Variants in OSBPL6 observed in about 807,000 individuals in gnomAD.
OSBPL6 encodes the protein oxysterol binding protein like 6, also known as oxysterol-binding protein-related protein 6.
Under a neutral mutation model 125.8 loss-of-function variants are expected in OSBPL6, and 49 were observed. The observed-to-expected ratio is 0.39, with a 90% CI of 0.31 to 0.49. The LOEUF (loss-of-function observed/expected upper bound fraction) is 0.49. Ranked by LOEUF, OSBPL6 falls within the 20% of genes least tolerant of loss-of-function variation. The pLI, the probability that OSBPL6 is intolerant of heterozygous loss-of-function variation, is 0.88. For synonymous variants in OSBPL6, 394 were observed against 391.8 expected (o/e 1.01, Z -0.07); for missense variants, 986 against 1,135.4 (o/e 0.87, Z 1.89).
chr2:178,330,505 C>CT (rs1484965045), intron 5 of OSBPL6, among the ~76,000 whole-genome samples: 1 of 152,196 alleles, frequency 6.6e-6, no homozygotes, highest in East Asian at 1.9e-4. Flanking sequence ...CGTAGAGACT[C>CT]TTTTTTTCCA....
intron 11 of OSBPL6, among the ~76,000 whole-genome samples, chr2:178,347,507 C>T (rs530687627): frequency 2.6e-5 from 4 of 152,298 alleles, no homozygotes; most frequent in Non-Finnish European, 4.4e-5. Flanking sequence ...GCTGACTGCT[C>T]TTTCTAGATT....
At chr2:178,274,610 T>G (rs563040425) in intron 1 of OSBPL6, among the ~76,000 whole-genome samples, 1 of 152,134 alleles carries the variant, frequency 6.6e-6, no homozygotes, top group Non-Finnish European at 1.5e-5. Context: ...GTCTTTACCA[T>G]TGATCTCATT....
intron 13 of OSBPL6, among the ~76,000 whole-genome samples, chr2:178,371,210 C>T (rs1693351860): frequency 6.6e-6 from 1 of 152,146 alleles, no homozygotes; most frequent in South Asian, 2.1e-4. Flanking sequence ...AGGTCTTTAA[C>T]TTGAGGCTTG....
Position 178,243,454 on chromosome 2 carries a change from C to T in OSBPL6, c.-350-41473C>T, listed in dbSNP as rs1202982859. The stretch of plus-strand genomic sequence containing the variant: ...TTGCTGTTCCTGTTGTTGTAGGGGC[C>T]ACTCCATTCAATCAGTTGCTTCAGT... On this transcript the variant is annotated intron_variant, in intron 1 of 24. Transcript: ENST00000190611. Among the ~76,000 whole-genome samples, 3 of 152,122 alleles carry T rather than the reference C, an allele frequency of 2.0e-5. No individual in the cohort carries two copies. In the East Asian group the frequency reaches 5.8e-4, roughly 29 times the overall value.
intron 8 of OSBPL6, among the ~76,000 whole-genome samples, chr2:178,335,792 A>G (rs925657388): frequency 1.3e-5 from 2 of 152,220 alleles, no homozygotes; most frequent in Admixed American, 6.5e-5. Context: ...AAAGCTATAG[A>G]TAATAACTTG....
chr2:178,356,447 G>T (rs936383078), intron 12 of OSBPL6, among the ~76,000 whole-genome samples: 1 of 152,054 alleles, frequency 6.6e-6, no homozygotes, highest in African/African-American at 2.4e-5. Context: ...ACCAATAACA[G>T]ACAAACAGAG....
At chr2:178,293,223 T>C (rs555556119) in intron 2 of OSBPL6, among the ~76,000 whole-genome samples, 95 of 152,252 alleles carry the variant, frequency 6.2e-4, no homozygotes, top group African/African-American at 2.2e-3. Context: ...AAATGTGTAC[T>C]GAATCAAGTA....
chr2:178,324,024 C>T (rs895822974), intron 3 of OSBPL6, among the ~76,000 whole-genome samples, 153 bp from the exon 4 acceptor site: 3 of 152,194 alleles, frequency 2.0e-5, no homozygotes, highest in Non-Finnish European at 4.4e-5. Flanking sequence ...ACATATTTTT[C>T]TGTCTGTTGC....
rs201689693 is a variant in OSBPL6 at position 178,324,318 on chromosome 2, G to A, written c.195+49G>A. 19 of 1,344,334 alleles carry A rather than the reference G, an allele frequency of 1.4e-5. No individual in the cohort carries two copies. The East Asian group carries it at 4.6e-4, about 32-fold the overall frequency. The allele number at this position is 1,344,334 out of a possible 1,614,324, so 83.3% of individuals were successfully genotyped here. The stretch of plus-strand genomic sequence containing the variant: ...TCTCTGCTGGCATGATGCCTGCTCT[G>A]GGGCCAATTGAACTGTGAATAACGT... On this transcript the variant is annotated intron_variant, in intron 4 of 24. Coordinates refer to ENST00000190611, the MANE Select transcript of OSBPL6 (RefSeq NM_032523.4).
chr2:178,377,944 T>G (rs886784949), intron 15 of OSBPL6, among the ~76,000 whole-genome samples: 1 of 152,188 alleles, frequency 6.6e-6, no homozygotes, highest in Non-Finnish European at 1.5e-5. Context: ...GTCTCCTGCC[T>G]CAGCCTCCCG....
At chr2:178,209,038 CT>C (rs2089702278) in intron 1 of OSBPL6, among the ~76,000 whole-genome samples, 1 of 152,120 alleles carries the variant, frequency 6.6e-6, no homozygotes, top group Non-Finnish European at 1.5e-5. Flanking sequence ...ATTCTAAAAC[CT>C]AAGTTTGTTT....
At chr2:178,218,689 G>A (rs578252527) in intron 1 of OSBPL6, among the ~76,000 whole-genome samples, 2 of 149,094 alleles carry the variant, frequency 1.3e-5, no homozygotes, top group South Asian at 4.2e-4. Context: ...GAGGGCAATG[G>A]CACGATCTCT....
chr2:178,333,092 G>A (rs1227288503), intron 8 of OSBPL6, 51 bp downstream of exon 8: 1 of 1,599,888 alleles, frequency 6.3e-7, no homozygotes, highest in African/African-American at 1.3e-5. Flanking sequence ...AGAAAATTAT[G>A]CAAATTTTGG....
At chr2:178,243,678 G>A (rs1431380494) in intron 1 of OSBPL6, among the ~76,000 whole-genome samples, 2 of 152,120 alleles carry the variant, frequency 1.3e-5, no homozygotes, top group Non-Finnish European at 2.9e-5. Context: ...TTTTGAGACG[G>A]AGTCTTGCTC....
intron 12 of OSBPL6, among the ~76,000 whole-genome samples, chr2:178,354,942 C>T (rs1323263790): frequency 6.6e-6 from 1 of 152,204 alleles, no homozygotes; most frequent in African/African-American, 2.4e-5. Flanking sequence ...TCACTCAAAA[C>T]CGCACAACTA....
chr2:178,382,002 C>T (rs998830686), intron 15 of OSBPL6, among the ~76,000 whole-genome samples: 2 of 152,222 alleles, frequency 1.3e-5, no homozygotes, highest in Non-Finnish European at 2.9e-5. Context: ...CTCTAACACC[C>T]AGTTTAAATA....
chr2:178,265,914 C>A (rs910359271), intron 1 of OSBPL6, among the ~76,000 whole-genome samples: 1 of 152,096 alleles, frequency 6.6e-6, no homozygotes, highest in Non-Finnish European at 1.5e-5. Flanking sequence ...TCACAGAAAT[C>A]TCTAATTGCA....
intron 1 of OSBPL6, among the ~76,000 whole-genome samples, chr2:178,212,463 G>A (rs1574497220): frequency 6.6e-6 from 1 of 152,220 alleles, no homozygotes; most frequent in East Asian, 1.9e-4. Flanking sequence ...GATTAAAGCA[G>A]TGTGTTCTGA....
Position 178,333,053 on chromosome 2 carries a change from T to A in OSBPL6, c.657+12T>A, listed in dbSNP as rs1248714327. ...TAATGGATGGAAAGGTATGACTTTGTTCTATAAAAACCAGCCTGAAAATTG... is the reference window on the plus strand; with the variant it reads ...TAATGGATGGAAAGGTATGACTTTGATCTATAAAAACCAGCCTGAAAATTG... On this transcript the variant is annotated intron_variant, in intron 8 of 24. Coordinates refer to ENST00000190611, the MANE Select transcript of OSBPL6 (RefSeq NM_032523.4). The A allele has an allele frequency of 6.2e-7, 1 of 1,612,388 alleles. No homozygotes were observed.
Sources: allele counts gnomAD v4.1 joint callset (sites outside exome capture counted in the v4.1 genomes callset), GRCh38; gene constraint gnomAD v4.1.1; transcripts MANE v1.5; gene names NCBI Gene and HGNC (gene_info 2026-07-23, HGNC 2026-07-21).